The following DOCK4 variants were observed in gnomAD, a reference collection of about 807,000 sequenced individuals.
DOCK4 encodes the protein dedicator of cytokinesis 4.
A neutral mutation model predicts 268.1 loss-of-function variants in DOCK4; 97 were observed. The ratio of observed to expected loss-of-function variants is 0.36; its 90% CI spans 0.31 to 0.43. DOCK4 has a LOEUF of 0.43. DOCK4 is among the 20% of genes least tolerant of loss of function. The pLI, the probability that DOCK4 is intolerant of heterozygous loss-of-function variation, is 1.00. For missense variants in DOCK4, 2,145 were observed against 2,455.7 expected, an observed-to-expected ratio of 0.87 and a Z score of 2.67; for synonymous variants, 954 against 887.2, an observed-to-expected ratio of 1.08 and a Z score of -1.34.
chr7:112,094,997 C>T (rs1231443952), intron 1 of DOCK4, among the ~76,000 whole-genome samples: 3 of 152,162 alleles, frequency 2.0e-5, no homozygotes, highest in East Asian at 1.9e-4. Context: ...ATTAAACCTC[C>T]TTTCTTTATA....
chr7:112,034,670 C>T (rs1228790401), intron 1 of DOCK4, among the ~76,000 whole-genome samples: 1 of 152,144 alleles, frequency 6.6e-6, no homozygotes, highest in East Asian at 1.9e-4. Flanking sequence ...AAGGCCAAGG[C>T]GGGTGGATTG....
Position 111,741,183 on chromosome 7 carries a change from A to C in DOCK4, c.4951T>G (p.Ser1651Ala). 1.2e-6 allele frequency: 2 copies of C among 1,613,984 alleles called. No homozygotes were observed. The highest frequency in any genetic ancestry group is 1.7e-6 in the Non-Finnish European group (2 of 1,179,884). The change falls in exon 47 of 53, where the codon TCT (serine) becomes GCT (alanine). Residue 1651 changes from serine to alanine, a missense_variant. Ser to Ala is a moderately conservative substitution (Grantham distance 99). Coordinates refer to ENST00000428084, the MANE Select transcript of DOCK4 (RefSeq NM_001363540.2). ...GCTTGTGAGGACAGTGAGGAGGAAG[A>C]ATATCGGTTGACAGCTGGGTAACTT... ...PLSYPAVNRY[S>A]SSSLSSQASA...
At chr7:112,065,518 T>C (rs1346757499) in intron 1 of DOCK4, among the ~76,000 whole-genome samples, 3 of 150,652 alleles carry the variant, frequency 2.0e-5, no homozygotes, top group Non-Finnish European at 4.4e-5. Context: ...GTACCATGTC[T>C]ACGTTTTAAA....
chr7:112,038,126 C>T (rs919046161), intron 1 of DOCK4, among the ~76,000 whole-genome samples: 13 of 152,242 alleles, frequency 8.5e-5, no homozygotes, highest in Admixed American at 3.9e-4. Flanking sequence ...TCCTTCTATC[C>T]GTATATTTGA....
chr7:111,796,816 C>T lies in DOCK4; in HGVS notation c.3167-6211G>A, dbSNP rs1799927670. ...TTAGGAAGTGAAAGGGGGAATCATA[C>T]AAGGTGGACAAGCTAAGGTTGCGTG... On this transcript the variant is annotated intron_variant, in intron 30 of 52. Transcript: ENST00000428084. Among the ~76,000 whole-genome samples, 3 of 152,130 alleles carry T rather than the reference C, an allele frequency of 2.0e-5. No homozygotes were observed. In the South Asian group the frequency reaches 6.2e-4, roughly 32 times the overall value.
Position 111,745,397 on chromosome 7 carries a change from C to T in DOCK4, c.4677+937G>A, listed in dbSNP as rs13237428. Among the ~76,000 whole-genome samples, 1,266 of 152,214 alleles carry T rather than the reference C, an allele frequency of 8.3e-3. 16 individuals carry two copies. The highest frequency in any genetic ancestry group is 0.017 in the Middle Eastern group (5 of 294). ...CACAGAATTTTGAGTGAAAAGTTGGCATCGGCCAGGCGCGGTGGCTCACGC... is the reference window on the plus strand; with the variant it reads ...CACAGAATTTTGAGTGAAAAGTTGGTATCGGCCAGGCGCGGTGGCTCACGC... On this transcript the variant is annotated intron_variant, in intron 44 of 52. Coordinates refer to ENST00000428084, the MANE Select transcript of DOCK4 (RefSeq NM_001363540.2).
At chr7:111,833,858 C>A (rs1366223923) in intron 26 of DOCK4, among the ~76,000 whole-genome samples, 1 of 152,162 alleles carries the variant, frequency 6.6e-6, no homozygotes, top group Non-Finnish European at 1.5e-5. Context: ...TAATTCTCCA[C>A]CACCCAGCTT....
intron 1 of DOCK4, among the ~76,000 whole-genome samples, chr7:112,087,746 T>G (rs1276012733): frequency 6.6e-6 from 1 of 152,052 alleles, no homozygotes; most frequent in Non-Finnish European, 1.5e-5. Context: ...TTCTCTCCAG[T>G]CCCACTCAGA....
At chr7:111,735,359 G>A (rs1054997976) in intron 50 of DOCK4, among the ~76,000 whole-genome samples, 192 bp from the exon 51 acceptor site, 16 of 152,188 alleles carry the variant, frequency 1.1e-4, no homozygotes, top group Non-Finnish European at 2.2e-4. Flanking sequence ...TTAACTGGGC[G>A]CTAACAAGTC....
intron 46 of DOCK4, 99 bp from the exon 47 acceptor site, chr7:111,741,313 C>T (rs1795902130): frequency 2.0e-6 from 3 of 1,505,768 alleles, no homozygotes; most frequent in African/African-American, 1.4e-5. Flanking sequence ...AAATACATTC[C>T]GTTTTGTTTT....
chr7:112,091,774 T>G (rs7800386), intron 1 of DOCK4, among the ~76,000 whole-genome samples: 67,840 of 151,924 alleles, frequency 0.45, 15,303 homozygotes, highest in African/African-American at 0.49. Context: ...CCTCCTGAGA[T>G]TTGAAATGAA....
At chr7:111,905,895 A>AGCAGC (rs566476637) in intron 13 of DOCK4, among the ~76,000 whole-genome samples, 13 of 152,334 alleles carry the variant, frequency 8.5e-5, no homozygotes, top group Middle Eastern at 3.4e-3. Flanking sequence ...TAGTAGCAAC[A>AGCAGC]GCAGCAGCAG....
chr7:111,760,415 A>G (rs1797310384), intron 39 of DOCK4, 93 bp from the exon 40 acceptor site: 1 of 1,320,878 alleles, frequency 7.6e-7, no homozygotes. Context: ...AACTGACCAC[A>G]TGCCCCATAC....
At chr7:111,871,271 G>T (rs1806408682) in intron 20 of DOCK4, among the ~76,000 whole-genome samples, 1 of 152,222 alleles carries the variant, frequency 6.6e-6, no homozygotes, top group African/African-American at 2.4e-5. Flanking sequence ...GACAGACGAT[G>T]GGGTACACTC....
At chr7:111,974,679 C>G (rs964495674) in intron 8 of DOCK4, among the ~76,000 whole-genome samples, 2 of 151,680 alleles carry the variant, frequency 1.3e-5, no homozygotes, top group East Asian at 3.9e-4. Flanking sequence ...GGCATGGCAG[C>G]CCAGCCACAT....
intron 6 of DOCK4, among the ~76,000 whole-genome samples, chr7:111,987,154 A>G (rs1235142258): frequency 1.3e-5 from 2 of 152,216 alleles, no homozygotes; most frequent in Non-Finnish European, 2.9e-5. Context: ...AATAAATTAT[A>G]CTGCTCATTT....
At chr7:111,749,025 TAG>T (rs1796462791) in intron 42 of DOCK4, among the ~76,000 whole-genome samples, 1 of 152,132 alleles carries the variant, frequency 6.6e-6, no homozygotes, top group Admixed American at 6.5e-5. Context: ...TCGACTTGTT[TAG>T]AGAGGCAAAT....
rs530768039 is a variant in DOCK4 at position 111,970,924 on chromosome 7, T to C, written c.701+6208A>G. ...CTGGGCCACCTTCAGGGATATTCAG[T>C]AATTGTTTAGAAACAAAAGTAATGG... On this transcript the variant is annotated intron_variant, in intron 8 of 52. Transcript: ENST00000428084. Among the ~76,000 whole-genome samples the C allele has an allele frequency of 5.9e-5, 9 of 152,278 alleles. No homozygotes were observed. The East Asian group carries it at 1.4e-3, about 23-fold the overall frequency.
intron 1 of DOCK4, among the ~76,000 whole-genome samples, chr7:112,127,304 G>C (rs558566618): frequency 6.7e-6 from 1 of 149,996 alleles, no homozygotes; most frequent in Non-Finnish European, 1.5e-5. Context: ...GTAAACTATC[G>C]CAAGGACAAA....
Sources: allele counts gnomAD v4.1 joint callset (sites outside exome capture counted in the v4.1 genomes callset), GRCh38; gene constraint gnomAD v4.1.1; transcripts MANE v1.5; gene names NCBI Gene and HGNC (gene_info 2026-07-23, HGNC 2026-07-21).